The following TBC1D14 variants were observed in gnomAD, a reference collection of about 807,000 sequenced individuals.
TBC1D14 encodes the protein TBC1 domain family, member 14.
In TBC1D14, 26 loss-of-function variants were observed where a neutral mutation model predicts 79.0. The ratio of observed to expected loss-of-function variants is 0.33; its 90% confidence interval spans 0.24 to 0.46. The LOEUF (loss-of-function observed/expected upper bound fraction) is 0.46. Ranked by LOEUF, TBC1D14 falls within the 20% of genes least tolerant of loss-of-function variation. The pLI is 1.00. For missense variants in TBC1D14, 769 were observed against 887.6 expected (o/e 0.87, Z 1.70); for synonymous variants, 394 against 349.9 (o/e 1.13, Z -1.40).
At chr4:6,954,110 C>T (rs1714381716) in intron 2 of TBC1D14, 3 of 593,200 alleles carry the variant, frequency 5.1e-6, no homozygotes, top group South Asian at 4.0e-5. Flanking sequence ...GGGAGGCCCG[C>T]CCTGCCGCCC....
intron 2 of TBC1D14, among the ~76,000 whole-genome samples, chr4:6,953,472 A>AAAC (rs1370737513): frequency 7.0e-6 from 1 of 142,206 alleles, no homozygotes; most frequent in Non-Finnish European, 1.5e-5. Context: ...AAAAAAAAAA[A>AAAC]TACAAAAAAT....
intron 12 of TBC1D14, among the ~76,000 whole-genome samples, chr4:7,014,885 C>T (rs764696031): frequency 1.3e-5 from 2 of 152,234 alleles, no homozygotes; most frequent in Non-Finnish European, 2.9e-5. Context: ...GCTTGCCTGT[C>T]AGGAGCTCCT....
chr4:7,004,748 A>C, intron 7 of TBC1D14, 96 bp from the exon 8 acceptor site: 2 of 1,125,908 alleles, frequency 1.8e-6, no homozygotes, highest in Admixed American at 1.9e-5. Context: ...ATTATAGTTG[A>C]ACTTAAGTAT....
chr4:6,938,184 G>C (rs1277149425), intron 2 of TBC1D14, among the ~76,000 whole-genome samples: 1 of 152,184 alleles, frequency 6.6e-6, no homozygotes, highest in Non-Finnish European at 1.5e-5. Flanking sequence ...CCATCCTCAG[G>C]GAGAGCTTGT....
At chr4:7,012,701 A>T (rs564816172) in intron 11 of TBC1D14, among the ~76,000 whole-genome samples, 8 of 152,374 alleles carry the variant, frequency 5.3e-5, no homozygotes, top group Non-Finnish European at 8.8e-5. Context: ...ATAAAAGGAA[A>T]TATGCCACAG....
At position 7,018,595 on chromosome 4, in the gene TBC1D14, C is replaced by A. The variant is rs868634124; in HGVS notation, c.1757+4038C>A. Among the ~76,000 whole-genome samples the A allele has an allele frequency of 5.3e-5, 8 of 152,328 alleles. 1 individual carries two copies. The highest frequency in any genetic ancestry group is 3.3e-4 in the Admixed American group (5 of 15,306). On this transcript the variant is annotated intron_variant, in intron 12 of 13. Transcript: ENST00000409757. Reference sequence around the variant, plus strand: ...GTGCCTGAGGGTCACCTTCCTCGGTCCCTTTTCCAGTGCACCCTGTACGCT... The same window carrying A: ...GTGCCTGAGGGTCACCTTCCTCGGTACCTTTTCCAGTGCACCCTGTACGCT...
At chr4:6,937,710 T>C (rs1212716428) in intron 2 of TBC1D14, among the ~76,000 whole-genome samples, 2 of 151,944 alleles carry the variant, frequency 1.3e-5, no homozygotes, top group Non-Finnish European at 2.9e-5. Context: ...GAGCTAAGTG[T>C]GTACAGGGAA....
At chr4:6,909,506 G>GT (rs1722785624), upstream of TBC1D14, 1 of 152,250 alleles carries the variant, frequency 6.6e-6, no homozygotes, top group African/African-American at 2.4e-5. Context: ...AGCCGACCAG[G>GT]TAAGGGGCCC....
chr4:7,004,497 A>G (rs1442796505), intron 7 of TBC1D14, among the ~76,000 whole-genome samples: 1 of 152,204 alleles, frequency 6.6e-6, no homozygotes, highest in African/African-American at 2.4e-5. Context: ...TGTTTTGGAT[A>G]CAGAGGGAGT....
intron 2 of TBC1D14, among the ~76,000 whole-genome samples, chr4:6,957,614 C>G (rs1210186150): frequency 2.0e-5 from 3 of 152,176 alleles, no homozygotes; most frequent in Non-Finnish European, 4.4e-5. Flanking sequence ...GCACTTCTTG[C>G]TATATTCCTG....
intron 7 of TBC1D14, chr4:7,001,575 G>A (rs570640788): frequency 2.2e-4 from 60 of 275,974 alleles, no homozygotes; most frequent in African/African-American, 1.3e-3. Flanking sequence ...GTGTGGAAGG[G>A]GCAGGTGGTT....
chr4:6,962,389 C>G (rs140368671), intron 2 of TBC1D14, among the ~76,000 whole-genome samples: 59 of 152,160 alleles, frequency 3.9e-4, no homozygotes, highest in East Asian at 1.7e-3. Flanking sequence ...GTTTACTTGC[C>G]GTGCCCTTGA....
intron 2 of TBC1D14, among the ~76,000 whole-genome samples, chr4:6,945,749 C>CAAAAAAAAAAAAAA (rs71173472): frequency 1.7e-4 from 11 of 64,132 alleles, no homozygotes; most frequent in Admixed American, 2.5e-4. Context: ...AACTGCGTCT[C>CAAAAAAAAAAAAAA]AAAAAAAAAA....
At chr4:7,022,244 C>T (rs1721904293) in intron 12 of TBC1D14, among the ~76,000 whole-genome samples, 1 of 152,110 alleles carries the variant, frequency 6.6e-6, no homozygotes, top group South Asian at 2.1e-4. Context: ...GAGTGGAGTC[C>T]AGGGGCTGGA....
At chr4:6,937,634 C>T (rs562210232) in intron 2 of TBC1D14, among the ~76,000 whole-genome samples, 21 of 152,154 alleles carry the variant, frequency 1.4e-4, no homozygotes, top group Non-Finnish European at 2.8e-4. Context: ...GACCAGTCAG[C>T]GTGCTGCGCG....
intron 3 of TBC1D14, among the ~76,000 whole-genome samples, chr4:6,976,667 G>C (rs1716739182): frequency 6.6e-6 from 1 of 152,330 alleles, no homozygotes; most frequent in Middle Eastern, 3.4e-3. Context: ...AAGTTGTTCA[G>C]ATAGAAGGGC....
chr4:7,032,325 A>T lies in TBC1D14; in HGVS notation c.*1933A>T, dbSNP rs1440500008. On this transcript the variant is annotated 3_prime_UTR_variant, in exon 14 of 14. Transcript: ENST00000409757. ...GTTACGGGCGTTCCGTTCCTTAAAG[A>T]TGTATATATTTTCTTACTGTACATA... 1.3e-5 allele frequency: 2 copies of T among 152,620 alleles called. No homozygotes were observed. Among genetic ancestry groups the T allele is most frequent in the Non-Finnish European group, 1.5e-5 (1 of 68,052 alleles). 9.5% of individuals were successfully genotyped at this position (152,620 alleles called of 1,614,324 possible).
At chr4:7,012,516 T>C (rs553041420) in intron 11 of TBC1D14, among the ~76,000 whole-genome samples, 1 of 152,320 alleles carries the variant, frequency 6.6e-6, no homozygotes, top group East Asian at 1.9e-4. Flanking sequence ...TTATTTACAA[T>C]TGTAAATGTG....
At chr4:6,962,003 G>A (rs1381601481) in intron 2 of TBC1D14, among the ~76,000 whole-genome samples, 2 of 152,218 alleles carry the variant, frequency 1.3e-5, no homozygotes, top group Non-Finnish European at 2.9e-5. Context: ...GACTGCAGAG[G>A]TGTGTCTGAG....
Sources: allele counts gnomAD v4.1 joint callset (sites outside exome capture counted in the v4.1 genomes callset), GRCh38; gene constraint gnomAD v4.1.1; transcripts MANE v1.5; gene names NCBI Gene and HGNC (gene_info 2026-07-23, HGNC 2026-07-21).